The following UGGT2 variants were observed in gnomAD, a reference collection of about 807,000 sequenced individuals.
UGGT2 encodes UDP-glucose:glycoprotein glucosyltransferase 2.
In UGGT2, 180 loss-of-function variants were observed where a neutral mutation model predicts 192.1. The ratio of observed to expected loss-of-function variants is 0.94; its 90% confidence interval spans 0.83 to 1.06. UGGT2 has a LOEUF of 1.06. Ranked by LOEUF, UGGT2 falls within the 50% of genes least tolerant of loss-of-function variation. The pLI, the probability that UGGT2 is intolerant of heterozygous loss-of-function variation, is 0.00. For missense variants in UGGT2, 1,849 were observed against 1,795.7 expected (o/e 1.03, Z -0.54); for synonymous variants, 580 against 591.0 (o/e 0.98, Z 0.27).
At chr13:95,858,280 CCTGA>C (rs1206152074) in intron 33 of UGGT2, among the ~76,000 whole-genome samples, 3 of 152,018 alleles carry the variant, frequency 2.0e-5, no homozygotes, top group East Asian at 1.9e-4. Flanking sequence ...CTTGGAATTT[CCTGA>C]CTAATAAGAA....
rs1428924907 is a variant in UGGT2, at chr13:95,911,094, A to T, written c.2296-8034T>A. Among the ~76,000 whole-genome samples, 4 of 152,362 alleles carry T rather than the reference A, an allele frequency of 2.6e-5. No homozygotes were observed. The East Asian group carries it at 7.7e-4, about 29-fold the overall frequency. ...TTGGGACACATTTAAAGCAGTGTGT[A>T]GAGGGAAATTTATACTACTAAATGC... On this transcript the variant is annotated intron_variant, in intron 20 of 38. Coordinates refer to ENST00000376747, the MANE Select transcript of UGGT2 (RefSeq NM_020121.4).
chr13:95,949,406 T>C lies in UGGT2; in HGVS notation c.1384A>G (p.Ser462Gly), dbSNP rs1484399011. 1 of 1,584,080 alleles carries C rather than the reference T, an allele frequency of 6.3e-7. No individual in the cohort carries two copies. Among genetic ancestry groups the C allele is most frequent in the East Asian group, 2.3e-5 (1 of 44,184 alleles). Reference protein sequence around the residue: ...NDDLYITWPTSCQKLLKPVFP... With the variant: ...NDDLYITWPTGCQKLLKPVFP... ...ACTGGCTTCAGAAGTTTCTGGCAAC[T>C]TGTAGGCCATGTAATATACAAATCA... The change falls in exon 13 of 39, where the codon AGT (serine) becomes GGT (glycine). Residue 462 changes from serine to glycine, a missense_variant. Transcript: ENST00000376747.
intron 9 of UGGT2, 128 bp from the exon 10 acceptor site, chr13:95,983,992 T>C (rs2051211486): frequency 3.8e-6 from 2 of 524,450 alleles, no homozygotes; most frequent in Non-Finnish European, 6.3e-6. Context: ...CTGAAAAGTA[T>C]ACATTTCCAT....
chr13:95,955,169 T>C (rs1429246730), intron 12 of UGGT2, among the ~76,000 whole-genome samples: 1 of 152,230 alleles, frequency 6.6e-6, no homozygotes, highest in African/African-American at 2.4e-5. Flanking sequence ...AACAAATCTT[T>C]TAAAAAGTCA....
At chr13:95,929,067 G>A (rs889215112) in intron 17 of UGGT2, among the ~76,000 whole-genome samples, 17 of 152,098 alleles carry the variant, frequency 1.1e-4, no homozygotes, top group Admixed American at 4.6e-4. Flanking sequence ...GGCGGCGCGC[G>A]CCTGCAATCC....
chr13:95,951,216 T>A (rs1245223438), intron 12 of UGGT2, among the ~76,000 whole-genome samples: 4 of 151,874 alleles, frequency 2.6e-5, no homozygotes, highest in African/African-American at 9.7e-5. Context: ...GACAAATCAA[T>A]AAACAGATAA....
chr13:96,053,390 C>G lies in UGGT2; in HGVS notation c.-78G>C, dbSNP rs377548086. 21 of 1,512,022 alleles carry G rather than the reference C, an allele frequency of 1.4e-5. No homozygotes were observed. The highest frequency in any genetic ancestry group is 1.7e-5 in the Non-Finnish European group (19 of 1,139,174). The allele number at this position is 1,512,022 out of a possible 1,614,324, so 93.7% of individuals were successfully genotyped here. Reference sequence around the variant, plus strand: ...CCGCCACGCTTCGGCCGGCTCTTCCCGCTGCGCGGCTGCCCACTTCCGGTG... The same window carrying G: ...CCGCCACGCTTCGGCCGGCTCTTCCGGCTGCGCGGCTGCCCACTTCCGGTG... On this transcript the variant is annotated 5_prime_UTR_variant, in exon 1 of 39. Transcript: ENST00000376747.
At chr13:95,912,904 A>T (rs1055514866) in intron 20 of UGGT2, among the ~76,000 whole-genome samples, 3 of 152,242 alleles carry the variant, frequency 2.0e-5, no homozygotes, top group African/African-American at 7.2e-5. Flanking sequence ...AGACCAATGG[A>T]ACAGAACAGA....
intron 5 of UGGT2, among the ~76,000 whole-genome samples, chr13:96,002,087 T>A (rs1230193868): frequency 3.3e-5 from 5 of 152,214 alleles, no homozygotes; most frequent in Non-Finnish European, 7.3e-5. Flanking sequence ...TACATATATT[T>A]TTTAACAACA....
At chr13:95,896,026 TTC>T (rs1046063724) in intron 22 of UGGT2, among the ~76,000 whole-genome samples, 14 of 152,054 alleles carry the variant, frequency 9.2e-5, no homozygotes, top group Non-Finnish European at 1.6e-4. Context: ...CATGAGCACT[TTC>T]TGAGGAAATT....
intron 38 of UGGT2, among the ~76,000 whole-genome samples, chr13:95,818,388 T>C (rs1037022594): frequency 6.6e-6 from 1 of 152,206 alleles, no homozygotes; most frequent in African/African-American, 2.4e-5. Flanking sequence ...GAATTGTCCC[T>C]CTTTCTTGTT....
intron 27 of UGGT2, among the ~76,000 whole-genome samples, chr13:95,881,994 T>C (rs1203492494): frequency 1.3e-5 from 2 of 151,702 alleles, no homozygotes; most frequent in Admixed American, 6.6e-5. Flanking sequence ...CTGCAACCTC[T>C]ACCTCCCGGA....
intron 20 of UGGT2, 32 bp downstream of exon 20, chr13:95,925,648 A>T (rs1221791783): frequency 7.4e-7 from 1 of 1,358,376 alleles, no homozygotes; most frequent in African/African-American, 1.5e-5. Flanking sequence ...GAAATAAATT[A>T]AAATTGTTAG....
intron 20 of UGGT2, among the ~76,000 whole-genome samples, chr13:95,915,672 A>G (rs2048658970): frequency 6.6e-6 from 1 of 152,208 alleles, no homozygotes; most frequent in Admixed American, 6.5e-5. Context: ...GGTGGCCACC[A>G]TCTCTGCAGA....
At chr13:95,813,356 G>A (rs1884668495) in intron 38 of UGGT2, among the ~76,000 whole-genome samples, 2 of 152,306 alleles carry the variant, frequency 1.3e-5, no homozygotes, top group South Asian at 2.1e-4. Context: ...AGTCATACAT[G>A]TTATGCTTTA....
intron 27 of UGGT2, among the ~76,000 whole-genome samples, chr13:95,881,381 C>G (rs1353412025): frequency 6.6e-6 from 1 of 152,096 alleles, no homozygotes; most frequent in Non-Finnish European, 1.5e-5. Context: ...GCAGAAGAGA[C>G]AGAACTCTTC....
At chr13:96,000,139 T>TAGAAAACAACTTTAACCTAG (rs2051752764) in intron 5 of UGGT2, among the ~76,000 whole-genome samples, 1 of 152,200 alleles carries the variant, frequency 6.6e-6, no homozygotes, top group East Asian at 1.9e-4. Flanking sequence ...CTCAAGGGGT[T>TAGAAAACAACTTTAACCTAG]AGAAAACAAC....
chr13:95,891,515 A>T (rs936818201), intron 24 of UGGT2, among the ~76,000 whole-genome samples: 1 of 152,078 alleles, frequency 6.6e-6, no homozygotes, highest in African/African-American at 2.4e-5. Flanking sequence ...AAAAGTTCTA[A>T]ATTAGAAGAT....
At chr13:95,873,148 T>C (rs944482488) in intron 29 of UGGT2, among the ~76,000 whole-genome samples, 3 of 152,230 alleles carry the variant, frequency 2.0e-5, no homozygotes, top group South Asian at 2.1e-4. Flanking sequence ...GCTGAATTCC[T>C]GGCAAAGCAG....
Sources: gnomAD v4.1 joint callset for allele counts (sites outside exome capture counted in the v4.1 genomes callset) on GRCh38, gnomAD v4.1.1 for gene constraint, MANE v1.5 for transcripts, NCBI Gene and HGNC (gene_info 2026-07-23, HGNC 2026-07-21) for gene names.